HTR2C: variants seen among roughly 807,000 people sequenced by gnomAD.
The protein encoded by HTR2C is 5-hydroxytryptamine receptor 2C.
A neutral mutation model predicts 21.0 loss-of-function variants in HTR2C; 5 were observed. The observed-to-expected ratio is 0.24, with a 90% CI of 0.12 to 0.50. The LOEUF (loss-of-function observed/expected upper bound fraction) is 0.50. Among genes scored for constraint, HTR2C ranks in the 20% least tolerant of loss-of-function variants. The pLI is 0.98. For missense variants in HTR2C, 271 were observed against 371.2 expected (o/e 0.73, Z 2.22); for synonymous variants, 150 against 145.3 (o/e 1.03, Z -0.23).
intron 4 of HTR2C, among the ~76,000 whole-genome samples, chrX:114,822,707 G>GGGTT (rs2070645758): frequency 9.0e-6 from 1 of 111,585 alleles, no homozygotes. Flanking sequence ...AGAAAATCTA[G>GGGTT]GGTTTGTTTG....
chrX:114,858,432 A>G (rs1442016268), intron 5 of HTR2C, among the ~76,000 whole-genome samples: 1 of 111,114 alleles, frequency 9.0e-6, no homozygotes, highest in African/African-American at 3.3e-5. Flanking sequence ...CATCTTTGTT[A>G]GATTTATCGT....
chrX:114,676,915 C>A (rs1211489590), intron 2 of HTR2C, among the ~76,000 whole-genome samples: 1 of 112,105 alleles, frequency 8.9e-6, no homozygotes, highest in Non-Finnish European at 1.9e-5. Context: ...GATTTGCTTA[C>A]TTGAAATCCT....
At chrX:114,620,899 C>T (rs1232688696) in intron 2 of HTR2C, among the ~76,000 whole-genome samples, 1 of 110,448 alleles carries the variant, frequency 9.1e-6, no homozygotes, top group Non-Finnish European at 1.9e-5. Flanking sequence ...CTTTTTTTGG[C>T]AGAGGAGTCT....
chrX:114,756,178 G>C (rs1433264162), intron 4 of HTR2C, among the ~76,000 whole-genome samples: 2 of 111,331 alleles, frequency 1.8e-5, no homozygotes, highest in African/African-American at 3.3e-5. Flanking sequence ...AGAATGGCTA[G>C]AATAAAAAAT....
At chrX:114,627,805 C>T (rs1180519824) in intron 2 of HTR2C, among the ~76,000 whole-genome samples, 1 of 111,884 alleles carries the variant, frequency 8.9e-6, no homozygotes, top group Non-Finnish European at 1.9e-5. Flanking sequence ...AAAAGAGAGA[C>T]ATTTTGTTTT....
intron 4 of HTR2C, among the ~76,000 whole-genome samples, chrX:114,778,762 T>G (rs1184798534): frequency 9.0e-6 from 1 of 111,377 alleles, no homozygotes; most frequent in Non-Finnish European, 1.9e-5. Context: ...CAGAGCTATC[T>G]AGATAAAGCC....
chrX:114,642,286 G>A (rs782787140), intron 2 of HTR2C, among the ~76,000 whole-genome samples: 1 of 111,958 alleles, frequency 8.9e-6, no homozygotes, highest in African/African-American at 3.2e-5. Flanking sequence ...AGATCAAATG[G>A]TATTTTGTTA....
chrX:114,795,088 ATC>A (rs1280520600), intron 4 of HTR2C, among the ~76,000 whole-genome samples: 1 of 110,473 alleles, frequency 9.1e-6, no homozygotes, highest in Admixed American at 9.6e-5. Flanking sequence ...GTGAAATGGT[ATC>A]TCATTGTGGT....
chrX:114,873,496 T>C (rs1414299010), intron 5 of HTR2C, among the ~76,000 whole-genome samples: 1 of 111,699 alleles, frequency 9.0e-6, no homozygotes, highest in Non-Finnish European at 1.9e-5. Flanking sequence ...GAGTACTAAA[T>C]ATTGTTCTAA....
chrX:114,904,074 T>C (rs1372654635), intron 5 of HTR2C, among the ~76,000 whole-genome samples: 1 of 111,985 alleles, frequency 8.9e-6, no homozygotes, highest in African/African-American at 3.2e-5. Context: ...GATCCAAATG[T>C]TTTTTTGCTC....
At chrX:114,823,358 CT>C (rs1298049969) in intron 4 of HTR2C, 1 of 330,257 alleles carries the variant, frequency 3.0e-6, no homozygotes, top group African/African-American at 2.7e-5. Flanking sequence ...CCAGAAGAGG[CT>C]TTCATGACAG....
At chrX:114,633,166 T>C (rs989547868) in intron 2 of HTR2C, among the ~76,000 whole-genome samples, 12 of 111,726 alleles carry the variant, frequency 1.1e-4, no homozygotes, top group Non-Finnish European at 1.7e-4. Context: ...AAGGGAAGCA[T>C]GCTATTTTGT....
intron 4 of HTR2C, among the ~76,000 whole-genome samples, chrX:114,737,692 A>T (rs2069605524): frequency 8.9e-6 from 1 of 112,040 alleles, no homozygotes; most frequent in South Asian, 3.7e-4. Context: ...CATGCAAATC[A>T]ATGGAAAACA....
chrX:114,741,506 G>A (rs1328185232), intron 4 of HTR2C, among the ~76,000 whole-genome samples: 2 of 34,552 alleles, frequency 5.8e-5, no homozygotes, highest in Non-Finnish European at 1.1e-4. Context: ...TTGGGCGACA[G>A]AGCAAGACGA....
intron 4 of HTR2C, among the ~76,000 whole-genome samples, chrX:114,828,846 GCTT>G (rs1173108133): frequency 1.8e-5 from 2 of 111,722 alleles, no homozygotes; most frequent in East Asian, 5.6e-4. Context: ...TTTGCATCTG[GCTT>G]CTTTCACTTA....
At chrX:114,792,658 G>T (rs1422130522) in intron 4 of HTR2C, among the ~76,000 whole-genome samples, 2 of 111,413 alleles carry the variant, frequency 1.8e-5, no homozygotes, top group African/African-American at 6.5e-5. Flanking sequence ...TGGGTCAAAT[G>T]GTATTTCTGG....
intron 2 of HTR2C, among the ~76,000 whole-genome samples, chrX:114,709,126 C>A (rs1015170620): frequency 4.5e-5 from 5 of 111,642 alleles, no homozygotes; most frequent in Non-Finnish European, 7.5e-5. Context: ...TTATAAAAGT[C>A]ATTTCTGTTA....
At chrX:114,844,129 ACTTT>A (rs1421737329) in intron 4 of HTR2C, among the ~76,000 whole-genome samples, 2 of 111,938 alleles carry the variant, frequency 1.8e-5, no homozygotes, top group Non-Finnish European at 3.8e-5. Context: ...ACCTGTTTTG[ACTTT>A]CTATTTCCTT....
At chrX:114,896,455 C>T (rs782276955) in intron 5 of HTR2C, among the ~76,000 whole-genome samples, 7 of 111,904 alleles carry the variant, frequency 6.3e-5, no homozygotes, top group Middle Eastern at 4.2e-3. Flanking sequence ...TTAAAAATGC[C>T]AATGATGATT....
Sources: gnomAD v4.1 joint callset for allele counts (sites outside exome capture counted in the v4.1 genomes callset) on GRCh38, gnomAD v4.1.1 for gene constraint, MANE v1.5 for transcripts, NCBI Gene and HGNC (gene_info 2026-07-23, HGNC 2026-07-21) for gene names.